Variants in WRAP73 observed in about 807,000 individuals in gnomAD.
WRAP73 encodes WD repeat-containing protein WRAP73.
A neutral mutation model predicts 59.6 loss-of-function variants in WRAP73; 55 were observed. The observed-to-expected ratio is 0.92, with a 90% CI of 0.74 to 1.15. The LOEUF (loss-of-function observed/expected upper bound fraction) is 1.15, where lower values mean the gene tolerates loss of function less well. Ranked by LOEUF, WRAP73 falls within the 50% of genes most tolerant of loss-of-function variation. The pLI is 0.00. For missense variants in WRAP73, 592 were observed against 608.1 expected, an observed-to-expected ratio of 0.97 and a Z score of 0.28; for synonymous variants, 265 against 258.2, an observed-to-expected ratio of 1.03 and a Z score of -0.25.
intron 7 of WRAP73, 42 bp downstream of exon 7, chr1:3,635,118 C>A: frequency 6.2e-7 from 1 of 1,614,158 alleles, no homozygotes; most frequent in South Asian, 1.1e-5. Context: ...GCCCGGCCCG[C>A]TGGGCGGTCG....
chr1:3,635,394 A>T, intron 6 of WRAP73, 100 bp from the exon 7 acceptor site: 1 of 1,528,274 alleles, frequency 6.5e-7, no homozygotes, highest in Non-Finnish European at 8.9e-7. Context: ...CAGATAGCAC[A>T]AAGCTGGCAG....
chr1:3,636,985 G>T lies in WRAP73; in HGVS notation c.516+10C>A, dbSNP rs201983493. On this transcript the variant is annotated intron_variant, in intron 5 of 11. Coordinates refer to ENST00000270708, the MANE Select transcript of WRAP73 (RefSeq NM_017818.4). ...AGGACAACTTTATTCCAGTCTGGGG[G>T]ACGCCTTACCCGCAGGAGCTGCCAA... The T allele has an allele frequency of 1.3e-4, 213 of 1,612,960 alleles. No homozygotes were observed. The highest frequency in any genetic ancestry group is 2.8e-4 in the African/African-American group (21 of 74,924).
Position 3,647,430 on chromosome 1 carries a change from A to C in WRAP73, c.200T>G (p.Met67Arg). 1 of 1,613,736 alleles carries C rather than the reference A, an allele frequency of 6.2e-7. No individual in the cohort carries two copies. Among genetic ancestry groups the C allele is most frequent in the African/African-American group, 1.3e-5 (1 of 75,026 alleles). ...SADSLFILCA[M>R]YKRGLVQVWS... Reference sequence around the variant, plus strand: ...CACCTGCACCAGCCCTCGCTTGTACATGGCGCACAGGATGAAGAGCGAGTC... The same window carrying C: ...CACCTGCACCAGCCCTCGCTTGTACCTGGCGCACAGGATGAAGAGCGAGTC... Residue 67 changes from methionine (M) to arginine (R), a missense_variant, in exon 2 of 12, where the codon ATG becomes AGG. By Grantham distance (91) the Met-to-Arg change is moderately conservative. Transcript: ENST00000270708.
chr1:3,633,077 C>CT, intron 9 of WRAP73: 1 of 335,198 alleles, frequency 3.0e-6, no homozygotes, highest in South Asian at 2.5e-5. Flanking sequence ...CAGACCCACT[C>CT]TGAGCGCCAC....
At chr1:3,641,243 G>A (rs1173922243) in intron 3 of WRAP73, among the ~76,000 whole-genome samples, 2 of 151,954 alleles carry the variant, frequency 1.3e-5, no homozygotes, top group African/African-American at 4.8e-5. Flanking sequence ...ACGACCCAGT[G>A]TGCTGAAGAC....
At chr1:3,648,884 C>G (rs1321952597) in intron 1 of WRAP73, among the ~76,000 whole-genome samples, 1 of 152,188 alleles carries the variant, frequency 6.6e-6, no homozygotes, top group Non-Finnish European at 1.5e-5. Flanking sequence ...TGTTTTGTAG[C>G]TGATGCTATT....
At chr1:3,631,190 CCTGCAGG>C in intron 11 of WRAP73, 73 bp from the exon 12 acceptor site, 1 of 1,597,108 alleles carries the variant, frequency 6.3e-7, no homozygotes, top group Admixed American at 1.7e-5. Flanking sequence ...ACCCCCTTGT[CCTGCAGG>C]CCAGCACAGT....
At chr1:3,631,719 C>T in intron 10 of WRAP73, 62 bp from the exon 11 acceptor site, 1 of 1,538,522 alleles carries the variant, frequency 6.5e-7, no homozygotes, top group South Asian at 1.2e-5. Flanking sequence ...GTTGGCCCTG[C>T]CCCTCTGCTC....
intron 4 of WRAP73, among the ~76,000 whole-genome samples, chr1:3,637,973 G>A (rs573203849): frequency 2.0e-5 from 3 of 152,182 alleles, no homozygotes; most frequent in South Asian, 2.1e-4. Flanking sequence ...CTCAAATGAC[G>A]AAACCACGGT....
Position 3,647,460 on chromosome 1 carries a change from G to T in WRAP73, c.170C>A (p.Ser57Ter). Residue 57 changes from serine (S) to a stop codon, truncating the protein, a stop_gained, in exon 2 of 12, where the codon TCG becomes TAG. Coordinates refer to ENST00000270708, the MANE Select transcript of WRAP73 (RefSeq NM_017818.4). LOFTEE classifies it high-confidence loss of function. ...CLDQIQHIEW[S>*]ADSLFILCAM... ...GCACAGGATGAAGAGCGAGTCTGCC[G>T]ACCACTCGATGTGCTGGATCTGGTC... 6.2e-7 allele frequency: 1 copy of T among 1,613,896 alleles called. No individual in the cohort carries two copies. Among genetic ancestry groups the T allele is most frequent in the Non-Finnish European group, 8.5e-7 (1 of 1,179,936 alleles).
intron 5 of WRAP73, chr1:3,636,778 T>C: frequency 1.6e-6 from 1 of 628,066 alleles, no homozygotes; most frequent in Non-Finnish European, 2.9e-6. Flanking sequence ...GCATATTCAC[T>C]TTTAAAACAC....
At position 3,646,699 on chromosome 1, in the gene WRAP73, G is replaced by A. The variant is rs773147244; in HGVS notation, c.306C>T (p.Asp102=). The A allele has an allele frequency of 2.1e-5, 34 of 1,606,744 alleles. 1 individual carries two copies. Among genetic ancestry groups the A allele is most frequent in the Admixed American group, 6.8e-5 (4 of 59,218 alleles). Residue 102 remains aspartate, a synonymous_variant, in exon 3 of 12, where the codon GAC becomes GAT. Coordinates refer to ENST00000270708, the MANE Select transcript of WRAP73 (RefSeq NM_017818.4). This position sits in a 1 kb window ranked among gnomAD's most constrained non-coding sequence, Gnocchi z 5.1. ...CCGTGGTGTTGAGAATGTGGCGCCC[G>A]TCCGGGCTCCAGCACGAGGCCACCA... ...AGLVASCWSP[D]GRHILNTTEF...
At chr1:3,637,798 C>T (rs1317821745) in intron 4 of WRAP73, among the ~76,000 whole-genome samples, 3 of 152,146 alleles carry the variant, frequency 2.0e-5, no homozygotes, top group African/African-American at 7.2e-5. Flanking sequence ...CGTGTCACTG[C>T]ACTCCAGCCT....
chr1:3,641,609 CA>C (rs145587365), intron 3 of WRAP73, among the ~76,000 whole-genome samples: 1 of 152,174 alleles, frequency 6.6e-6, no homozygotes, highest in South Asian at 2.1e-4. Flanking sequence ...GGACTGAGCA[CA>C]AGGGGCACGA....
chr1:3,638,742 C>G lies in WRAP73; in HGVS notation c.412+8G>C. 2.5e-6 allele frequency: 4 copies of G among 1,613,942 alleles called. No individual in the cohort carries two copies. The highest frequency in any genetic ancestry group is 3.4e-6 in the Non-Finnish European group (4 of 1,179,958). On this transcript the variant is annotated splice_region_variant and intron_variant, in intron 4 of 11. Transcript: ENST00000270708. ...GAAATGGCTTTTGCGTGGCTCCGAT[C>G]GACTCACCCTGCAGACAAGCTTTCG...
chr1:3,649,647 C>T (rs1396379423), intron 1 of WRAP73, among the ~76,000 whole-genome samples: 1 of 150,938 alleles, frequency 6.6e-6, no homozygotes, highest in Non-Finnish European at 1.5e-5. Flanking sequence ...CCTGCCTGGG[C>T]CCCGCACCTG....
At position 3,631,646 on chromosome 1, in the gene WRAP73, T is replaced by C. The variant is rs921054565; in HGVS notation, c.1060A>G (p.Asn354Asp). 5 of 1,593,488 alleles carry C rather than the reference T, an allele frequency of 3.1e-6. No homozygotes were observed. The highest frequency in any genetic ancestry group is 1.7e-6 in the Non-Finnish European group (2 of 1,174,582). Residue 354 changes from asparagine (N) to aspartate (D), a missense_variant, in exon 11 of 12, where the codon AAT (asparagine) becomes GAT (aspartate). Asn to Asp is a conservative substitution (Grantham distance 23). Coordinates refer to ENST00000270708, the MANE Select transcript of WRAP73 (RefSeq NM_017818.4). ...TGAATGTCCCAGACCCAGACGGCAT[T>C]GGGAATGTTGTCTGAGGAAGGAAGG... ...FLATRNDNIPNAVWVWDIQKL... is the reference protein window; with the variant it reads ...FLATRNDNIPDAVWVWDIQKL...
chr1:3,647,034 T>C (rs1158908188), intron 2 of WRAP73, among the ~76,000 whole-genome samples: 2 of 152,224 alleles, frequency 1.3e-5, no homozygotes, highest in Non-Finnish European at 2.9e-5. Context: ...TAAGCCACGC[T>C]TCTTGGTGAT....
chr1:3,636,471 G>C, intron 5 of WRAP73: 1 of 308,258 alleles, frequency 3.2e-6, no homozygotes, highest in East Asian at 9.2e-5. Flanking sequence ...GCCTGGCCAG[G>C]CTCACTCCTT....
Sources: allele counts gnomAD v4.1 joint callset (sites outside exome capture counted in the v4.1 genomes callset), GRCh38; gene constraint gnomAD v4.1.1; non-coding constraint Gnocchi (gnomAD v3.1); transcripts MANE v1.5; gene names NCBI Gene and HGNC (gene_info 2026-07-23, HGNC 2026-07-21).